UBTD1: variants seen among roughly 807,000 people sequenced by gnomAD.
UBTD1 encodes ubiquitin domain-containing protein 1.
A neutral mutation model predicts 21.7 loss-of-function variants in UBTD1; 19 were observed. The observed-to-expected ratio is 0.87, with a 90% CI of 0.61 to 1.28. The LOEUF is 1.28. UBTD1 is among the 50% of genes most tolerant of loss of function. The pLI is 0.00. For missense variants in UBTD1, 282 were observed against 315.1 expected, an observed-to-expected ratio of 0.89 and a Z score of 0.80; for synonymous variants, 116 against 135.1, an observed-to-expected ratio of 0.86 and a Z score of 0.98.
chr10:97,534,525 C>G (rs1289243253), intron 1 of UBTD1, among the ~76,000 whole-genome samples: 1 of 151,616 alleles, frequency 6.6e-6, no homozygotes, highest in African/African-American at 2.4e-5. Flanking sequence ...AGATTTTCTA[C>G]CACACCACAT....
At chr10:97,509,778 G>A (rs1269618275) in intron 1 of UBTD1, among the ~76,000 whole-genome samples, 4 of 151,932 alleles carry the variant, frequency 2.6e-5, no homozygotes, top group Admixed American at 6.6e-5. Context: ...AGCCTCCCGA[G>A]TAGCTGGGAT....
chr10:97,528,884 G>A (rs1302111958), intron 1 of UBTD1, among the ~76,000 whole-genome samples: 3 of 148,482 alleles, frequency 2.0e-5, no homozygotes, highest in African/African-American at 7.4e-5. Context: ...TGGGGCGGCT[G>A]GCCGGGTGGG....
intron 1 of UBTD1, among the ~76,000 whole-genome samples, chr10:97,532,704 C>T (rs748975323): frequency 7.9e-5 from 12 of 152,132 alleles, no homozygotes; most frequent in Admixed American, 5.2e-4. Flanking sequence ...GCAGGAGAAT[C>T]GCTTGAGTCC....
intron 1 of UBTD1, among the ~76,000 whole-genome samples, chr10:97,561,071 A>G (rs932971935): frequency 2.6e-5 from 4 of 152,090 alleles, no homozygotes; most frequent in Non-Finnish European, 5.9e-5. Flanking sequence ...CAAGTTTCAG[A>G]TGTCCGGACT....
intron 1 of UBTD1, among the ~76,000 whole-genome samples, chr10:97,544,470 G>A (rs573374971): frequency 4.6e-5 from 7 of 152,088 alleles, no homozygotes; most frequent in Non-Finnish European, 7.4e-5. Flanking sequence ...TGACAAAAGC[G>A]ACTGCAGTTG....
intron 1 of UBTD1, among the ~76,000 whole-genome samples, chr10:97,565,827 C>G (rs2040714721): frequency 1.3e-5 from 2 of 152,050 alleles, no homozygotes; most frequent in Non-Finnish European, 2.9e-5. Context: ...ATCCTCCCAC[C>G]TCAGCCTCCT....
intron 1 of UBTD1, among the ~76,000 whole-genome samples, chr10:97,527,860 C>A (rs950019067): frequency 6.6e-6 from 1 of 152,250 alleles, no homozygotes; most frequent in Non-Finnish European, 1.5e-5. Flanking sequence ...TCTTTCTACA[C>A]AGACACAGCA....
At chr10:97,565,874 G>A (rs1049285609) in intron 1 of UBTD1, among the ~76,000 whole-genome samples, 3 of 151,668 alleles carry the variant, frequency 2.0e-5, no homozygotes, top group Admixed American at 1.3e-4. Context: ...CACCATGCCC[G>A]ACTAATTTTT....
intron 1 of UBTD1, among the ~76,000 whole-genome samples, chr10:97,510,812 G>T (rs1050549942): frequency 6.6e-6 from 1 of 152,162 alleles, no homozygotes; most frequent in Non-Finnish European, 1.5e-5. Context: ...CTTGAATCCA[G>T]CTTGAATCAA....
chr10:97,549,730 A>G (rs961513591), intron 1 of UBTD1, among the ~76,000 whole-genome samples: 10 of 152,120 alleles, frequency 6.6e-5, no homozygotes, highest in African/African-American at 2.4e-4. Flanking sequence ...CTGGGGCCCG[A>G]GAGGAGGAAA....
At chr10:97,502,417 C>T (rs762390918) in intron 1 of UBTD1, among the ~76,000 whole-genome samples, 6 of 152,114 alleles carry the variant, frequency 3.9e-5, no homozygotes, top group Non-Finnish European at 8.8e-5. Flanking sequence ...CCTAAAACTC[C>T]CCCAGCGCCA....
chr10:97,520,416 C>G lies in UBTD1; in HGVS notation c.70+21143C>G, dbSNP rs753386446. The stretch of plus-strand genomic sequence containing the variant: ...TCCATGCCCAGTGCCGTGCTTGATC[C>G]TGGGTGTGCAGCTGAGCAAAATAGA... On this transcript the variant is annotated intron_variant, in intron 1 of 2. Coordinates refer to ENST00000370664, the MANE Select transcript of UBTD1 (RefSeq NM_024954.5). 1.4e-3 allele frequency among the ~76,000 whole-genome samples: 220 copies of G among 152,176 alleles called. 3 individuals are homozygous for G. The highest frequency in any genetic ancestry group is 2.2e-4 in the Non-Finnish European group (15 of 68,028).
At position 97,538,870 on chromosome 10, in the gene UBTD1, G is replaced by A. The variant is rs551889553; in HGVS notation, c.71-29044G>A. ...CTAGGATCTTGCCTTAGCTGTCTTTGTGGTCCTCAGGAGCGCTGCACAGGT... is the reference window on the plus strand; with the variant it reads ...CTAGGATCTTGCCTTAGCTGTCTTTATGGTCCTCAGGAGCGCTGCACAGGT... On this transcript the variant is annotated intron_variant, in intron 1 of 2. Transcript: ENST00000370664. Among the ~76,000 whole-genome samples, 231 of 152,306 alleles carry A rather than the reference G, an allele frequency of 1.5e-3. 3 individuals carry two copies. In the South Asian group the frequency reaches 0.021, roughly 14 times the overall value.
chr10:97,542,910 C>T (rs961470265), intron 1 of UBTD1, among the ~76,000 whole-genome samples: 8 of 152,374 alleles, frequency 5.3e-5, no homozygotes, highest in Admixed American at 5.2e-4. Flanking sequence ...GCCAGCTGGG[C>T]AGCCTGGTTC....
intron 1 of UBTD1, among the ~76,000 whole-genome samples, chr10:97,564,023 G>T (rs1428922572): frequency 6.6e-6 from 1 of 152,188 alleles, no homozygotes; most frequent in Non-Finnish European, 1.5e-5. Flanking sequence ...GAACCCAATG[G>T]GGAGGGTCCT....
At chr10:97,525,573 G>A (rs2040484869) in intron 1 of UBTD1, among the ~76,000 whole-genome samples, 1 of 152,202 alleles carries the variant, frequency 6.6e-6, no homozygotes, top group African/African-American at 2.4e-5. Context: ...GGAAGTGAGT[G>A]AGAGAACAGG....
chr10:97,543,741 AAATG>A (rs1230997344), intron 1 of UBTD1, among the ~76,000 whole-genome samples: 1 of 152,210 alleles, frequency 6.6e-6, no homozygotes, highest in East Asian at 1.9e-4. Context: ...GGTGTGGACT[AAATG>A]AACTATAAGG....
In UBTD1 at chr10:97,518,056, C is replaced by T. The variant is rs1231864467; in HGVS notation, c.70+18783C>T. 2.0e-5 allele frequency among the ~76,000 whole-genome samples: 3 copies of T among 152,256 alleles called. No individual in the cohort carries two copies. In the East Asian group the frequency reaches 5.8e-4, roughly 29 times the overall value. ...GTGTTGGCCTCCTTGGCCTGCTTCC[C>T]AGGGAGAAAATCTTGGAGCACTTGT... On this transcript the variant is annotated intron_variant, in intron 1 of 2. Coordinates refer to ENST00000370664, the MANE Select transcript of UBTD1 (RefSeq NM_024954.5).
At chr10:97,545,936 C>T (rs1011366262) in intron 1 of UBTD1, among the ~76,000 whole-genome samples, 2 of 152,194 alleles carry the variant, frequency 1.3e-5, no homozygotes, top group Non-Finnish European at 2.9e-5. Flanking sequence ...AGGCATGTGC[C>T]ACCATGCCTG....
Sources: gnomAD v4.1 joint callset for allele counts (sites outside exome capture counted in the v4.1 genomes callset) on GRCh38, gnomAD v4.1.1 for gene constraint, MANE v1.5 for transcripts, NCBI Gene and HGNC (gene_info 2026-07-23, HGNC 2026-07-21) for gene names.